Variants in NUAK1 observed in about 807,000 individuals in gnomAD.
NUAK1 encodes the protein NUAK family kinase 1.
In NUAK1, 26 loss-of-function variants were observed where a neutral mutation model predicts 56.9. The observed-to-expected ratio is 0.46, with a 90% CI of 0.33 to 0.63. The LOEUF (loss-of-function observed/expected upper bound fraction) is 0.63, where lower values mean the gene tolerates loss of function less well. Ranked by LOEUF, NUAK1 falls within the 30% of genes least tolerant of loss-of-function variation. The pLI is 0.02. For missense variants in NUAK1, 727 were observed against 876.1 expected, an observed-to-expected ratio of 0.83 and a Z score of 2.15; for synonymous variants, 337 against 336.0, an observed-to-expected ratio of 1.00 and a Z score of -0.03.
intron 4 of NUAK1, among the ~76,000 whole-genome samples, chr12:106,080,952 T>C (rs2032512002): frequency 6.6e-6 from 1 of 152,224 alleles, no homozygotes; most frequent in African/African-American, 2.4e-5. Flanking sequence ...GGGTCCTTTC[T>C]AAATATGTTT....
chr12:106,073,635 TG>T (rs1423475077), intron 4 of NUAK1, among the ~76,000 whole-genome samples: 2 of 151,910 alleles, frequency 1.3e-5, no homozygotes, highest in Non-Finnish European at 2.9e-5. Context: ...CTGGCCAACA[TG>T]GAAAAACCCC....
At chr12:106,072,649 C>G (rs986430301) in intron 5 of NUAK1, 75 bp downstream of exon 5, 6 of 1,471,908 alleles carry the variant, frequency 4.1e-6, no homozygotes, top group Non-Finnish European at 4.6e-6. Flanking sequence ...AAGCATTTCT[C>G]GAATCCAGTT....
At chr12:106,123,249 G>A (rs752824098) in intron 1 of NUAK1, among the ~76,000 whole-genome samples, 81 of 152,192 alleles carry the variant, frequency 5.3e-4, no homozygotes, top group Non-Finnish European at 1.1e-3. Context: ...AATAAAGCAA[G>A]GTAAGGGGCC....
At chr12:106,070,739 C>T in intron 6 of NUAK1, 35 bp downstream of exon 6, 9 of 1,613,410 alleles carry the variant, frequency 5.6e-6, no homozygotes, top group South Asian at 1.1e-5. Flanking sequence ...TCTCTCTCCC[C>T]TCCACCTCTG....
chr12:106,118,709 C>T (rs1448284683), intron 1 of NUAK1, among the ~76,000 whole-genome samples: 1 of 152,234 alleles, frequency 6.6e-6, no homozygotes, highest in Non-Finnish European at 1.5e-5. Context: ...ACTGTACACA[C>T]AAATACCAAT....
chr12:106,072,015 T>A (rs952947066), intron 5 of NUAK1, among the ~76,000 whole-genome samples: 2 of 152,212 alleles, frequency 1.3e-5, no homozygotes, highest in Non-Finnish European at 2.9e-5. Flanking sequence ...AACTCACTCA[T>A]TTTCAAAATA....
intron 1 of NUAK1, among the ~76,000 whole-genome samples, chr12:106,109,646 A>G (rs2032839115): frequency 6.6e-6 from 1 of 152,134 alleles, no homozygotes; most frequent in African/African-American, 2.4e-5. Flanking sequence ...GCCAGTGCAC[A>G]GACAGTATTG....
intron 2 of NUAK1, among the ~76,000 whole-genome samples, chr12:106,092,125 T>C (rs1413597190): frequency 6.6e-6 from 1 of 152,154 alleles, no homozygotes; most frequent in African/African-American, 2.4e-5. Flanking sequence ...TGCCATGCCC[T>C]CTTTCTGTCA....
chr12:106,137,479 C>A (rs2033140705), intron 1 of NUAK1, among the ~76,000 whole-genome samples: 1 of 152,216 alleles, frequency 6.6e-6, no homozygotes, highest in Admixed American at 6.5e-5. Context: ...CTGCAACAGT[C>A]AGTCACTTTG....
chr12:106,124,932 G>A (rs1363246006), intron 1 of NUAK1, among the ~76,000 whole-genome samples: 1 of 152,002 alleles, frequency 6.6e-6, no homozygotes, highest in Admixed American at 6.6e-5. Context: ...GGGAGGTGGA[G>A]GTTGCAATGA....
At chr12:106,080,914 C>T (rs1377692414) in intron 4 of NUAK1, among the ~76,000 whole-genome samples, 1 of 152,190 alleles carries the variant, frequency 6.6e-6, no homozygotes, top group African/African-American at 2.4e-5. Flanking sequence ...CGGCTTGTGG[C>T]CATGTATCTG....
At chr12:106,136,825 C>T in intron 1 of NUAK1, among the ~76,000 whole-genome samples, 1 of 152,166 alleles carries the variant, frequency 6.6e-6, no homozygotes, top group East Asian at 1.9e-4. Context: ...TGGGGAATAT[C>T]ACCTCAGAAG....
intron 1 of NUAK1, among the ~76,000 whole-genome samples, chr12:106,113,969 C>T (rs1170437213): frequency 1.3e-5 from 2 of 152,176 alleles, no homozygotes; most frequent in Non-Finnish European, 2.9e-5. Flanking sequence ...CAAAGAAAGA[C>T]TGAAAATGCC....
At chr12:106,073,817 CA>C (rs535364958) in intron 4 of NUAK1, among the ~76,000 whole-genome samples, 128 of 144,244 alleles carry the variant, frequency 8.9e-4, no homozygotes, top group Middle Eastern at 3.5e-3. Flanking sequence ...GATTCAATCT[CA>C]AAAAAAAAAA....
chr12:106,128,135 T>C (rs898947924), intron 1 of NUAK1, among the ~76,000 whole-genome samples: 2 of 123,566 alleles, frequency 1.6e-5, no homozygotes, highest in East Asian at 2.2e-4. Context: ...TTTCTTTTTC[T>C]TTTTTTTTTT....
intron 2 of NUAK1, among the ~76,000 whole-genome samples, chr12:106,103,902 C>A (rs1358802504): frequency 6.6e-6 from 1 of 152,160 alleles, no homozygotes; most frequent in East Asian, 1.9e-4. Flanking sequence ...GCTTCCCCTT[C>A]CACCATGATT....
At position 106,075,286 on chromosome 12, in the gene NUAK1, A is replaced by AACACACACACACACACAC. The variant is rs370123170; in HGVS notation, c.580-2461_580-2444dup. 2.0e-3 allele frequency among the ~76,000 whole-genome samples: 268 copies of AACACACACACACACACAC among 133,974 alleles called. 1 individual carries two copies. Among genetic ancestry groups the AACACACACACACACACAC allele is most frequent in the East Asian group, 0.015 (61 of 4,174 alleles). The allele number at this position is 133,974 out of a possible 152,430, so 87.9% of individuals were successfully genotyped here. ...CTTCGATGGGAAAGCAGTATTAATC[A>AACACACACACACACACAC]ACACACACACACACACACACACACA... On this transcript the variant is annotated intron_variant, in intron 4 of 6. Transcript: ENST00000261402.
intron 2 of NUAK1, chr12:106,103,189 G>A (rs2032766218): frequency 1.3e-5 from 2 of 152,264 alleles, no homozygotes; most frequent in South Asian, 4.1e-4. Flanking sequence ...TGCTGGTGAA[G>A]AAGTCAGGTT....
chr12:106,113,429 A>G lies in NUAK1; in HGVS notation c.241-6904T>C, dbSNP rs575671164. Among the ~76,000 whole-genome samples, 3 of 152,146 alleles carry G rather than the reference A, an allele frequency of 2.0e-5. No individual in the cohort carries two copies. In the South Asian group the frequency reaches 6.2e-4, roughly 32 times the overall value. ...GTGGTGAGCAGATCACCTGCCTCCG[A>G]TCCCCTGGTTAGGGGGAAAGGGGAA... is the stretch of plus-strand genomic sequence containing the variant. On this transcript the variant is annotated intron_variant, in intron 1 of 6. Transcript: ENST00000261402.
Sources: gnomAD v4.1 joint callset for allele counts (sites outside exome capture counted in the v4.1 genomes callset) on GRCh38, gnomAD v4.1.1 for gene constraint, MANE v1.5 for transcripts, NCBI Gene and HGNC (gene_info 2026-07-23, HGNC 2026-07-21) for gene names.